Variants in MYH15 observed in about 807,000 individuals in gnomAD.
MYH15 encodes myosin heavy chain 15.
MYH15 carries 227 observed loss-of-function variants against 240.5 expected under a neutral mutation model. The ratio of observed to expected loss-of-function variants is 0.94; its 90% CI spans 0.85 to 1.05. The LOEUF (loss-of-function observed/expected upper bound fraction) is 1.05. Ranked by LOEUF, MYH15 falls within the 50% of genes least tolerant of loss-of-function variation. The pLI, the probability that MYH15 is intolerant of heterozygous loss-of-function variation, is 0.00. For missense variants in MYH15, 2,217 were observed against 2,247.5 expected (o/e 0.99, Z 0.27); for synonymous variants, 785 against 796.7 (o/e 0.99, Z 0.25).
rs1323487444 is a variant in MYH15, at chr3:108,498,071, A to G, written c.599T>C (p.Ile200Thr). The G allele has an allele frequency of 6.2e-7, 1 of 1,614,038 alleles. No homozygotes were observed. The highest frequency in any genetic ancestry group is 1.1e-5 in the South Asian group (1 of 91,072). The change falls in exon 6 of 41, where the codon ATT (isoleucine) becomes ACT (threonine). Residue 200 changes from isoleucine (I) to threonine (T), a missense_variant. Transcript: ENST00000693548. ...IQYFATIAAM[I>T]ESRKKQGALE... ...ACTTACCTGCTTTTTCCTGGATTCA[A>G]TCATGGCTGCTATGGTGGCAAAATA...
intron 33 of MYH15, chr3:108,405,030 A>C (rs993870079): frequency 1.2e-5 from 2 of 167,760 alleles, no homozygotes; most frequent in East Asian, 1.6e-4. Context: ...TCGTATATAG[A>C]TAGCTAGTAA....
intron 39 of MYH15, among the ~76,000 whole-genome samples, chr3:108,384,294 C>T (rs371203615): frequency 6.6e-6 from 1 of 152,170 alleles, no homozygotes; most frequent in East Asian, 1.9e-4. Flanking sequence ...TTGTCCACAA[C>T]CATATCCAGG....
intron 25 of MYH15, among the ~76,000 whole-genome samples, chr3:108,433,035 C>T (rs968030053): frequency 1.5e-4 from 23 of 152,150 alleles, no homozygotes; most frequent in Middle Eastern, 3.2e-3. Flanking sequence ...GTTTGCACCA[C>T]GCACCTGGAA....
chr3:108,506,442 ACC>A (rs1352877654), intron 1 of MYH15, among the ~76,000 whole-genome samples: 1 of 152,000 alleles, frequency 6.6e-6, no homozygotes, highest in African/African-American at 2.4e-5. Context: ...CAGTTCCTAT[ACC>A]CCATCCCTAA....
At chr3:108,400,229 C>T (rs375850626) in intron 33 of MYH15, among the ~76,000 whole-genome samples, 72 of 152,154 alleles carry the variant, frequency 4.7e-4, no homozygotes, top group African/African-American at 1.4e-3. Flanking sequence ...TGTTATTGAC[C>T]GACTCTTCAT....
intron 35 of MYH15, among the ~76,000 whole-genome samples, chr3:108,395,173 G>A (rs935481519): frequency 7.2e-5 from 11 of 152,216 alleles, no homozygotes; most frequent in Admixed American, 2.0e-4. Flanking sequence ...GGAGGCTGAG[G>A]TGAGAGGATT....
At chr3:108,463,302 G>A (rs2107582528) in intron 15 of MYH15, 59 bp from the exon 16 acceptor site, 1 of 1,536,568 alleles carries the variant, frequency 6.5e-7, no homozygotes, top group Admixed American at 2.1e-5. Context: ...AAGTTAACAT[G>A]GAAGGCTGTG....
intron 32 of MYH15, among the ~76,000 whole-genome samples, chr3:108,407,014 C>A (rs750674594): frequency 3.9e-5 from 6 of 152,092 alleles, no homozygotes; most frequent in Non-Finnish European, 8.8e-5. Flanking sequence ...CCAAAGGGAA[C>A]GAGTAAACAA....
chr3:108,396,888 A>T (rs1353433097), intron 35 of MYH15, among the ~76,000 whole-genome samples: 1 of 152,262 alleles, frequency 6.6e-6, no homozygotes, highest in East Asian at 1.9e-4. Flanking sequence ...AGTATTTTTC[A>T]GTAGGGGGAA....
At chr3:108,419,986 G>T (rs1308233396) in intron 28 of MYH15, among the ~76,000 whole-genome samples, 1 of 152,144 alleles carries the variant, frequency 6.6e-6, no homozygotes, top group Non-Finnish European at 1.5e-5. Flanking sequence ...AAGTCAAGTT[G>T]CAGGCAAGGT....
rs12633384 is a variant in MYH15 at position 108,484,759 on chromosome 3, C to T, written c.1114+332G>A. Reference sequence around the variant, plus strand: ...CCTCCCCAAGTGCTGGGATTACAAGCGTGAGTCACGGTGTCCGGCCATAAT... The same window carrying T: ...CCTCCCCAAGTGCTGGGATTACAAGTGTGAGTCACGGTGTCCGGCCATAAT... On this transcript the variant is annotated intron_variant, in intron 11 of 40. Coordinates refer to ENST00000693548, the MANE Select transcript of MYH15 (RefSeq NM_014981.3). Among the ~76,000 whole-genome samples the T allele has an allele frequency of 7.4e-3, 1,133 of 152,280 alleles. 34 individuals are homozygous for T. The highest frequency in any genetic ancestry group is 0.047 in the Admixed American group (720 of 15,284).
chr3:108,387,945 T>C (rs2082396065), intron 38 of MYH15, among the ~76,000 whole-genome samples: 1 of 152,252 alleles, frequency 6.6e-6, no homozygotes, highest in Admixed American at 6.5e-5. Flanking sequence ...TTTGACATCT[T>C]TAACAACTCA....
chr3:108,536,748 C>T, the MYH15 span, among the ~76,000 whole-genome samples: 20 of 152,154 alleles, frequency 1.3e-4, no homozygotes, highest in Non-Finnish European at 2.6e-4. Context: ...AGGGGCCTTC[C>T]CATACACCTT....
At chr3:108,538,006 G>A in the MYH15 span, among the ~76,000 whole-genome samples, 1 of 152,076 alleles carries the variant, frequency 6.6e-6, no homozygotes, top group Non-Finnish European at 1.5e-5. Context: ...TGTTCCTTGT[G>A]GGATGATCCA....
chr3:108,440,552 T>C (rs2082876568), intron 23 of MYH15, among the ~76,000 whole-genome samples: 1 of 151,888 alleles, frequency 6.6e-6, no homozygotes, highest in Admixed American at 6.6e-5. Context: ...TCAAACAAAC[T>C]CTCAGCCAAA....
At chr3:108,461,502 G>A (rs907628537) in intron 16 of MYH15, among the ~76,000 whole-genome samples, 2 of 152,082 alleles carry the variant, frequency 1.3e-5, no homozygotes, top group Admixed American at 6.6e-5. Context: ...AGGCCATTCT[G>A]AACAATTCTT....
At chr3:108,392,789 C>A (rs967327146) in intron 36 of MYH15, among the ~76,000 whole-genome samples, 1 of 152,226 alleles carries the variant, frequency 6.6e-6, no homozygotes, top group Non-Finnish European at 1.5e-5. Flanking sequence ...CAGAGAGCAT[C>A]TTCATAATAT....
chr3:108,495,790 G>A lies in MYH15; in HGVS notation c.701C>T (p.Ser234Phe), dbSNP rs781378758. The change falls in exon 7 of 41, where the codon TCC (serine) becomes TTC (phenylalanine). Residue 234 changes from serine (S) to phenylalanine (F), a missense_variant. Coordinates refer to ENST00000693548, the MANE Select transcript of MYH15 (RefSeq NM_014981.3). ...AATCATGTTACTTACAAAACGAGAG[G>A]AGTTGTCATTTCTCAGGGTTTTAGC... ...GNAKTLRNDN[S>F]SRFGKFIRMH... The A allele has an allele frequency of 1.8e-5, 29 of 1,609,868 alleles. No individual in the cohort carries two copies. Among genetic ancestry groups the A allele is most frequent in the South Asian group, 1.2e-4 (11 of 90,466 alleles).
At chr3:108,430,698 C>G (rs538016772) in intron 26 of MYH15, 134 bp downstream of exon 26, 1 of 576,602 alleles carries the variant, frequency 1.7e-6, no homozygotes, top group Non-Finnish European at 3.0e-6. Context: ...CCCTTCTTAA[C>G]CACTGTTCTT....
Sources: allele counts gnomAD v4.1 joint callset (sites outside exome capture counted in the v4.1 genomes callset), GRCh38; gene constraint gnomAD v4.1.1; transcripts MANE v1.5; gene names NCBI Gene and HGNC (gene_info 2026-07-23, HGNC 2026-07-21).